Variants in SYT16 observed in about 807,000 individuals in gnomAD.
The protein encoded by SYT16 is synaptotagmin 16.
In SYT16, 42 loss-of-function variants were observed where a neutral mutation model predicts 61.4. The ratio of observed to expected loss-of-function variants is 0.68; its 90% CI spans 0.53 to 0.89. The LOEUF (loss-of-function observed/expected upper bound fraction) is 0.89, where lower values mean the gene tolerates loss of function less well. Ranked by LOEUF, SYT16 falls within the 40% of genes least tolerant of loss-of-function variation. The pLI is 0.00. For synonymous variants in SYT16, 314 were observed against 302.3 expected (o/e 1.04, Z -0.40); for missense variants, 804 against 807.3 (o/e 1.00, Z 0.05).
intron 2 of SYT16, among the ~76,000 whole-genome samples, chr14:61,994,162 T>C (rs2140622003): frequency 6.6e-6 from 1 of 152,298 alleles, no homozygotes. Context: ...GAGTTTGGAA[T>C]GGAAGAAGGT....
chr14:62,043,097 CTCTTT>C (rs1379394427), intron 3 of SYT16, among the ~76,000 whole-genome samples: 1 of 116,856 alleles, frequency 8.6e-6, no homozygotes, highest in Non-Finnish European at 1.7e-5. Context: ...CCTGTGGTTT[CTCTTT>C]TTTTTTTTTT....
At chr14:61,983,593 A>C (rs1021622357) in intron 2 of SYT16, among the ~76,000 whole-genome samples, 1 of 152,090 alleles carries the variant, frequency 6.6e-6, no homozygotes, top group Non-Finnish European at 1.5e-5. Flanking sequence ...TGGTGTGATC[A>C]TAGCTCACTG....
chr14:62,094,222 G>T (rs1046695329), intron 7 of SYT16, among the ~76,000 whole-genome samples: 1 of 152,098 alleles, frequency 6.6e-6, no homozygotes, highest in African/African-American at 2.4e-5. Flanking sequence ...ATTCACCTGA[G>T]AAAGTTTACT....
At chr14:62,059,277 G>A (rs2055709485) in intron 3 of SYT16, among the ~76,000 whole-genome samples, 1 of 152,162 alleles carries the variant, frequency 6.6e-6, no homozygotes, top group African/African-American at 2.4e-5. Flanking sequence ...GGTATCTCAT[G>A]TGATTTTACT....
At chr14:61,834,864 T>G (rs895574903) in intron 1 of SYT16, among the ~76,000 whole-genome samples, 1 of 152,240 alleles carries the variant, frequency 6.6e-6, no homozygotes, top group Non-Finnish European at 1.5e-5. Flanking sequence ...GTATTCCAAT[T>G]ACCTGTTGTT....
intron 1 of SYT16, among the ~76,000 whole-genome samples, chr14:61,947,951 TG>T (rs1406316855): frequency 1.3e-5 from 2 of 152,162 alleles, no homozygotes; most frequent in African/African-American, 4.8e-5. Context: ...TATGAGGCAA[TG>T]CACAAAAGTT....
chr14:62,024,193 T>C (rs2054014669), intron 3 of SYT16, among the ~76,000 whole-genome samples: 1 of 152,120 alleles, frequency 6.6e-6, no homozygotes, highest in South Asian at 2.1e-4. Flanking sequence ...TGGAAGAGAA[T>C]GGAAGTCGTG....
chr14:61,993,158 AC>A (rs748660633), intron 2 of SYT16, among the ~76,000 whole-genome samples: 48 of 152,174 alleles, frequency 3.2e-4, no homozygotes, highest in Non-Finnish European at 6.2e-4. Context: ...GCATATGAAA[AC>A]AAAGTTTTCT....
chr14:61,960,150 T>C (rs1351567205), intron 1 of SYT16, among the ~76,000 whole-genome samples: 1 of 152,182 alleles, frequency 6.6e-6, no homozygotes, highest in Admixed American at 6.5e-5. Flanking sequence ...AGAACAGTTT[T>C]GGTTTTTTGC....
At chr14:61,943,525 G>A (rs757899268) in intron 1 of SYT16, among the ~76,000 whole-genome samples, 8 of 152,084 alleles carry the variant, frequency 5.3e-5, no homozygotes, top group African/African-American at 1.7e-4. Flanking sequence ...ATCAAAAAGC[G>A]TATCCACCAC....
intron 7 of SYT16, among the ~76,000 whole-genome samples, chr14:62,095,494 A>G (rs1220664588): frequency 6.6e-6 from 1 of 151,978 alleles, no homozygotes; most frequent in African/African-American, 2.4e-5. Context: ...TACTATTTAT[A>G]ATAGGAACAA....
At chr14:62,025,097 C>T (rs769466259) in intron 3 of SYT16, among the ~76,000 whole-genome samples, 10 of 152,032 alleles carry the variant, frequency 6.6e-5, no homozygotes, top group South Asian at 2.1e-4. Flanking sequence ...TATAAATATC[C>T]GTGTACAGGT....
intron 1 of SYT16, among the ~76,000 whole-genome samples, chr14:61,890,976 C>G (rs751495296): frequency 1.3e-5 from 2 of 152,152 alleles, no homozygotes; most frequent in Non-Finnish European, 2.9e-5. Flanking sequence ...TGCAGAGACT[C>G]TCTGTTGCTA....
chr14:61,823,745 C>T (rs951563142), intron 1 of SYT16, among the ~76,000 whole-genome samples: 5 of 152,176 alleles, frequency 3.3e-5, no homozygotes, highest in African/African-American at 1.2e-4. Context: ...GAGCGAGACC[C>T]TGTCTCAAAA....
At chr14:62,066,596 T>C (rs72718588) in intron 3 of SYT16, among the ~76,000 whole-genome samples, 20,488 of 152,190 alleles carry the variant, frequency 0.13, 1,493 homozygotes, top group South Asian at 0.2. Context: ...TGGCTTTTTA[T>C]TCCTTCCTGG....
At chr14:62,075,106 T>A (rs769726067) in intron 4 of SYT16, 29 bp from the exon 5 acceptor site, 2 of 1,574,596 alleles carry the variant, frequency 1.3e-6, no homozygotes, top group South Asian at 2.3e-5. Context: ...AATAATGCAT[T>A]TGAAATGGTT....
chr14:62,031,910 A>G (rs2054321545), intron 3 of SYT16, among the ~76,000 whole-genome samples: 1 of 152,152 alleles, frequency 6.6e-6, no homozygotes, highest in South Asian at 2.1e-4. Flanking sequence ...GCCTATACAG[A>G]GACGATGGAC....
intron 1 of SYT16, among the ~76,000 whole-genome samples, chr14:61,878,107 G>C (rs1389747878): frequency 6.6e-6 from 1 of 152,140 alleles, no homozygotes; most frequent in Non-Finnish European, 1.5e-5. Context: ...GTTTCAATAA[G>C]AGTATTACAG....
chr14:62,021,354 C>A (rs1424468784), intron 3 of SYT16, among the ~76,000 whole-genome samples: 2 of 152,040 alleles, frequency 1.3e-5, no homozygotes, highest in Admixed American at 1.3e-4. Flanking sequence ...ATGGGTGTGG[C>A]CTTCTTATTA....
Sources: allele counts gnomAD v4.1 joint callset (sites outside exome capture counted in the v4.1 genomes callset), GRCh38; gene constraint gnomAD v4.1.1; transcripts MANE v1.5; gene names NCBI Gene and HGNC (gene_info 2026-07-23, HGNC 2026-07-21).